Variants in VPS26B observed in about 807,000 individuals in gnomAD.
VPS26B encodes the protein VPS26 retromer complex component B.
VPS26B carries 10 observed loss-of-function variants against 33.3 expected under a neutral mutation model. That is an observed-to-expected ratio of 0.30 (90% CI 0.19 to 0.51). The LOEUF (loss-of-function observed/expected upper bound fraction) is 0.51, where lower values mean the gene tolerates loss of function less well. VPS26B is among the 20% of genes least tolerant of loss of function. The pLI is 0.98. For synonymous variants in VPS26B, 190 were observed against 176.9 expected (o/e 1.07, Z -0.59); for missense variants, 317 against 452.7 (o/e 0.70, Z 2.72).
chr11:134,226,823 TG>T (rs1378832281), intron 1 of VPS26B, among the ~76,000 whole-genome samples: 1 of 152,214 alleles, frequency 6.6e-6, no homozygotes, highest in Admixed American at 6.5e-5. Context: ...GCCTGGCTCT[TG>T]GGTTCACTGC....
chr11:134,230,388 C>T (rs1476762643), intron 1 of VPS26B, among the ~76,000 whole-genome samples: 2 of 152,138 alleles, frequency 1.3e-5, no homozygotes, highest in Non-Finnish European at 2.9e-5. Context: ...ACATCTCCTC[C>T]CAGATAAGCA....
At position 134,245,195 on chromosome 11, in the gene VPS26B, C is replaced by T; in HGVS notation, c.864+115C>T. On this transcript the variant is annotated intron_variant, in intron 5 of 5. Transcript: ENST00000281187. The surrounding 1 kb of genome is among the most constrained non-coding windows in gnomAD (Gnocchi z 4.7). The stretch of plus-strand genomic sequence containing the variant: ...AGAGGTGGGAACATTAGGTCGCCCA[C>T]AATTGCACAACAAGAATGAGGATTC... The T allele has an allele frequency of 9.8e-6, 14 of 1,426,942 alleles. No individual in the cohort carries two copies. The highest frequency in any genetic ancestry group is 1.1e-5 in the Non-Finnish European group (12 of 1,070,204). The allele number at this position is 1,426,942 out of a possible 1,614,324, so 88.4% of individuals were successfully genotyped here. A position where few individuals can be genotyped will look rare whatever the true frequency, so the allele number is the denominator to read the frequency against.
intron 1 of VPS26B, among the ~76,000 whole-genome samples, chr11:134,232,890 A>G (rs557931370): frequency 6.6e-6 from 1 of 152,256 alleles, no homozygotes; most frequent in African/African-American, 2.4e-5. Context: ...GGACTCATGC[A>G]ACAAGAGTAA....
rs1477136151 is a variant in VPS26B, at chr11:134,247,729, A to G, written c.*2139A>G. 6.5e-6 allele frequency: 1 copy of G among 154,680 alleles called. No homozygotes were observed. The highest frequency in any genetic ancestry group is 2.4e-5 in the African/African-American group (1 of 41,454). 9.6% of individuals were successfully genotyped at this position (154,680 alleles called of 1,614,324 possible). A position where few individuals can be genotyped will look rare whatever the true frequency, so the allele number is the denominator to read the frequency against. On this transcript the variant is annotated 3_prime_UTR_variant, in exon 6 of 6. Transcript: ENST00000281187. ...GTATTAAAAGAAGAACGTTTGTTTT[A>G]ATGGTCTTTCTGATTAAAGAAAGCC...
At position 134,234,825 on chromosome 11, in the gene VPS26B, C is replaced by A. The variant is rs114582082; in HGVS notation, c.224-72C>A. On this transcript the variant is annotated intron_variant, in intron 1 of 5. Transcript: ENST00000281187. ...AAGCAGTCCCTCCAGCCTACAGCCTCCAGCCCCCTACTCGGCCCGGTGTAG... is the reference window on the plus strand; with the variant it reads ...AAGCAGTCCCTCCAGCCTACAGCCTACAGCCCCCTACTCGGCCCGGTGTAG... 4.0e-4 allele frequency: 632 copies of A among 1,562,276 alleles called. 3 individuals carry two copies. The African/African-American group carries it at 8.0e-3, about 20-fold the overall frequency.
intron 1 of VPS26B, 71 bp downstream of exon 1, chr11:134,225,416 A>AGC (rs1248128048): frequency 1.3e-6 from 2 of 1,485,042 alleles, no homozygotes; most frequent in Non-Finnish European, 1.9e-6. Flanking sequence ...TTCAGGGCCC[A>AGC]GCTCCTCCGG....
Position 134,234,960 on chromosome 11 carries a change from C to T in VPS26B, c.287C>T (p.Pro96Leu). The change falls in exon 2 of 6, where the codon CCT (proline) becomes CTT (leucine). Residue 96 changes from proline (P) to leucine (L), a missense_variant. Transcript: ENST00000281187. ...FVSLVKDLAR[P>L]GEITQSQAFD... ...TCCCTGGTGAAGGACCTGGCCCGGC[C>T]TGGAGAGATCACCCAGTCGCAGGCC... 1 of 1,614,174 alleles carries T rather than the reference C, an allele frequency of 6.2e-7. No homozygotes were observed. The highest frequency in any genetic ancestry group is 8.5e-7 in the Non-Finnish European group (1 of 1,180,032).
chr11:134,232,792 A>T (rs186117753), intron 1 of VPS26B, among the ~76,000 whole-genome samples: 1 of 152,072 alleles, frequency 6.6e-6, no homozygotes, highest in African/African-American at 2.4e-5. Context: ...CCCTGAAACT[A>T]TGGCCAGAAT....
intron 2 of VPS26B, among the ~76,000 whole-genome samples, chr11:134,235,978 C>T (rs563255566): frequency 6.6e-6 from 1 of 152,106 alleles, no homozygotes; most frequent in Non-Finnish European, 1.5e-5. Context: ...GGATGGTACA[C>T]ACCACAAGAC....
chr11:134,226,838 G>A (rs1938484457), intron 1 of VPS26B, among the ~76,000 whole-genome samples: 1 of 152,198 alleles, frequency 6.6e-6, no homozygotes, highest in Non-Finnish European at 1.5e-5. Context: ...TCACTGCTCA[G>A]CCTCAAGCAT....
chr11:134,229,395 G>A (rs947498472), intron 1 of VPS26B, among the ~76,000 whole-genome samples: 3 of 152,126 alleles, frequency 2.0e-5, no homozygotes, highest in Non-Finnish European at 4.4e-5. Context: ...AGTTTCACAC[G>A]TCTTTGAAGC....
chr11:134,238,277 G>A (rs1264003269), intron 2 of VPS26B, among the ~76,000 whole-genome samples: 1 of 152,202 alleles, frequency 6.6e-6, no homozygotes, highest in African/African-American at 2.4e-5. Flanking sequence ...TTGGAGACAG[G>A]ATGGGTGAAA....
At chr11:134,237,856 T>C (rs571131625) in intron 2 of VPS26B, among the ~76,000 whole-genome samples, 1 of 152,234 alleles carries the variant, frequency 6.6e-6, no homozygotes, top group South Asian at 2.1e-4. Context: ...AAGCCTCAGC[T>C]GTTGGTGCAG....
rs1374605364 is a variant in VPS26B, at chr11:134,245,010, AGT to A, written c.795_796del (p.Lys265AsnfsTer32). 1.9e-6 allele frequency: 3 copies of A among 1,614,036 alleles called. No homozygotes were observed. Among genetic ancestry groups the A allele is most frequent in the Non-Finnish European group, 2.5e-6 (3 of 1,180,048 alleles). On this transcript the variant is annotated frameshift_variant, in exon 5 of 6. Transcript: ENST00000281187. LOFTEE classifies it high-confidence loss of function. The surrounding 1 kb of genome is among the most constrained non-coding windows in gnomAD (Gnocchi z 4.7). ...CCCACCATGCGGGACATCAACAAGAAGTTCTCTGTGCGCTATTACCTCAACCT... is the reference window on the plus strand; with the variant it reads ...CCCACCATGCGGGACATCAACAAGAATCTCTGTGCGCTATTACCTCAACCT...
chr11:134,243,844 G>C (rs751452628), intron 4 of VPS26B: 2 of 152,480 alleles, frequency 1.3e-5, no homozygotes, highest in Non-Finnish European at 2.9e-5. Context: ...TTACATCTGG[G>C]TTAGTAGAGC....
Position 134,245,375 on chromosome 11 carries a change from G to C in VPS26B, c.865-69G>C. The stretch of plus-strand genomic sequence containing the variant: ...CCGAGATTCCCCACGTCAAAGTTGG[G>C]AGCCTCTAGGAAACCTGTCCCCATG... On this transcript the variant is annotated intron_variant, in intron 5 of 5. Transcript: ENST00000281187. The surrounding 1 kb of genome is among the most constrained non-coding windows in gnomAD (Gnocchi z 4.7). 1 of 1,593,878 alleles carries C rather than the reference G, an allele frequency of 6.3e-7. No individual in the cohort carries two copies.
chr11:134,240,288 G>T lies in VPS26B; in HGVS notation c.545+133G>T. The T allele has an allele frequency of 1.0e-6, 1 of 1,002,002 alleles. No homozygotes were observed. The highest frequency in any genetic ancestry group is 1.5e-5 in the South Asian group (1 of 67,728). 62.1% of individuals were successfully genotyped at this position (1,002,002 alleles called of 1,614,324 possible). On this transcript the variant is annotated intron_variant, in intron 3 of 5. Transcript: ENST00000281187. This position sits in a 1 kb window ranked among gnomAD's most constrained non-coding sequence, Gnocchi z 4.4. ...GGCATGCGGTGGGGGAAGACCGTGGGAGCAATCCAGTGAGTGTCTATGGCA... is the reference window on the plus strand; with the variant it reads ...GGCATGCGGTGGGGGAAGACCGTGGTAGCAATCCAGTGAGTGTCTATGGCA...
chr11:134,230,694 G>GT (rs1407124673), intron 1 of VPS26B, among the ~76,000 whole-genome samples: 2 of 152,332 alleles, frequency 1.3e-5, no homozygotes, highest in South Asian at 2.1e-4. Flanking sequence ...GTGTAAGAAC[G>GT]TAAGAGTTGT....
intron 4 of VPS26B, 145 bp downstream of exon 4, chr11:134,243,439 G>T: frequency 9.9e-7 from 1 of 1,010,544 alleles, no homozygotes; most frequent in Admixed American, 2.9e-5. Context: ...TACACCGTGG[G>T]TGGCCATAAG....
Sources: gnomAD v4.1 joint callset for allele counts (sites outside exome capture counted in the v4.1 genomes callset) on GRCh38, gnomAD v4.1.1 for gene constraint, Gnocchi (gnomAD v3.1) non-coding constraint, MANE v1.5 for transcripts, NCBI Gene and HGNC (gene_info 2026-07-23, HGNC 2026-07-21) for gene names.